NLN: variants seen among roughly 807,000 people sequenced by gnomAD.
NLN encodes neurolysin, mitochondrial.
In NLN, 64 loss-of-function variants were observed where a neutral mutation model predicts 79.9. The observed-to-expected ratio is 0.80, with a 90% CI of 0.65 to 0.99. The LOEUF is 0.99. NLN is among the 50% of genes least tolerant of loss of function. The pLI, the probability that NLN is intolerant of heterozygous loss-of-function variation, is 0.00. For missense variants in NLN, 835 were observed against 858.7 expected (o/e 0.97, Z 0.34); for synonymous variants, 267 against 296.6 (o/e 0.90, Z 1.02).
intron 1 of NLN, among the ~76,000 whole-genome samples, chr5:65,724,489 G>C (rs1163445798): frequency 1.3e-5 from 2 of 152,118 alleles, no homozygotes; most frequent in African/African-American, 4.8e-5. Context: ...CCATTTGTCA[G>C]TGGACATTTG....
At chr5:65,798,853 A>AT (rs1760222888) in intron 9 of NLN, among the ~76,000 whole-genome samples, 1 of 152,144 alleles carries the variant, frequency 6.6e-6, no homozygotes, top group Non-Finnish European at 1.5e-5. Flanking sequence ...AAATCAAAAT[A>AT]TTTTTTAAAG....
rs1273577765 is a variant in NLN at position 65,824,565 on chromosome 5, CTT to C, written c.*1651_*1652del. On this transcript the variant is annotated 3_prime_UTR_variant, in exon 13 of 13. Coordinates refer to ENST00000380985, the MANE Select transcript of NLN (RefSeq NM_020726.5). ...TTTTTCAGTTTCAGACAAAAAAACTCTTCAGCTTTTTCCAGTGTGTCTCCTTA... is the reference window on the plus strand; with the variant it reads ...TTTTTCAGTTTCAGACAAAAAAACTCCAGCTTTTTCCAGTGTGTCTCCTTA... The C allele has an allele frequency of 6.6e-6, 1 of 152,182 alleles. No individual in the cohort carries two copies. The highest frequency in any genetic ancestry group is 1.5e-5 in the Non-Finnish European group (1 of 68,034). The allele number at this position is 152,182 out of a possible 1,614,324, so 9.4% of individuals were successfully genotyped here.
intron 1 of NLN, among the ~76,000 whole-genome samples, chr5:65,724,880 C>T (rs1280125096): frequency 6.6e-6 from 1 of 150,736 alleles, no homozygotes; most frequent in African/African-American, 2.4e-5. Flanking sequence ...CGGCTCACTG[C>T]AAGCGCCGCC....
At chr5:65,794,018 GA>G (rs1216453741) in intron 9 of NLN, among the ~76,000 whole-genome samples, 1 of 152,308 alleles carries the variant, frequency 6.6e-6, no homozygotes, top group East Asian at 1.9e-4. Flanking sequence ...AATATAAATA[GA>G]AGAAATTTTT....
chr5:65,789,301 C>A (rs1193305224), intron 8 of NLN, among the ~76,000 whole-genome samples: 1 of 152,120 alleles, frequency 6.6e-6, no homozygotes, highest in African/African-American at 2.4e-5. Context: ...TATTATAGGT[C>A]CTATAAACTG....
In NLN at chr5:65,788,471, G is replaced by A. The variant is rs1409925045; in HGVS notation, c.1312G>A (p.Asp438Asn). The A allele has an allele frequency of 3.7e-6, 6 of 1,613,200 alleles. No homozygotes were observed. In the African/African-American group the frequency reaches 8.0e-5, roughly 22 times the overall value. ...TGEVLGQFYL[D>N]LYPREGKYNH... ...AGAAGTATTGGGACAGTTCTATTTG[G>A]ACCTCTATCCAAGGTACTGAGGATC... The change falls in exon 8 of 13, where the codon GAC (aspartate) becomes AAC (asparagine). Residue 438 changes from aspartate (D) to asparagine (N), a missense_variant. Physicochemically the swap from Asp to Asn is conservative, Grantham distance 23 (BLOSUM62 1). Coordinates refer to ENST00000380985, the MANE Select transcript of NLN (RefSeq NM_020726.5).
At chr5:65,779,410 A>G (rs1759750673) in intron 4 of NLN, among the ~76,000 whole-genome samples, 1 of 151,480 alleles carries the variant, frequency 6.6e-6, no homozygotes, top group African/African-American at 2.4e-5. Flanking sequence ...TTGATCTCCC[A>G]CCTAATACTT....
chr5:65,788,165 T>C lies in NLN; in HGVS notation c.1006T>C (p.Phe336Leu), dbSNP rs200565194. 2.4e-5 allele frequency: 38 copies of C among 1,613,856 alleles called. No homozygotes were observed. The highest frequency in any genetic ancestry group is 3.1e-5 in the Non-Finnish European group (36 of 1,179,948). The change falls in exon 8 of 13, where the codon TTT becomes CTT. Residue 336 changes from phenylalanine to leucine, a missense_variant. Phe to Leu is a conservative substitution (Grantham distance 22, BLOSUM62 0). Transcript: ENST00000380985. ...LKPLGEAERE[F>L]ILNLKKKECK... is the part of the protein sequence containing the mutation. ...ACCCTTGGGTGAAGCAGAACGAGAG[T>C]TTATTTTGAATTTGAAGAAAAAGGA...
intron 1 of NLN, among the ~76,000 whole-genome samples, chr5:65,751,295 C>A (rs1172343535): frequency 6.6e-6 from 1 of 152,194 alleles, no homozygotes. Context: ...AATATAGTTT[C>A]ACTATAGCCC....
intron 8 of NLN, 58 bp from the exon 9 acceptor site, chr5:65,792,396 A>G: frequency 9.8e-7 from 1 of 1,020,326 alleles, no homozygotes; most frequent in Non-Finnish European, 1.5e-6. Context: ...AGGCCATGCC[A>G]GTGTAGTTGC....
At chr5:65,728,061 C>A (rs1278803648) in intron 1 of NLN, among the ~76,000 whole-genome samples, 1 of 152,164 alleles carries the variant, frequency 6.6e-6, no homozygotes, top group East Asian at 1.9e-4. Context: ...AGCCACTGCA[C>A]CTGGCCTAAA....
At chr5:65,773,587 C>G (rs1417174857) in intron 3 of NLN, among the ~76,000 whole-genome samples, 2 of 150,908 alleles carry the variant, frequency 1.3e-5, no homozygotes, top group Admixed American at 6.6e-5. Flanking sequence ...ATATAAAGTT[C>G]TTGTGAAGAA....
At chr5:65,769,411 T>C (rs2150751252) in intron 3 of NLN, among the ~76,000 whole-genome samples, 1 of 152,360 alleles carries the variant, frequency 6.6e-6, no homozygotes, top group Non-Finnish European at 1.5e-5. Flanking sequence ...ACTGGATTGT[T>C]TGTAACACAA....
At chr5:65,733,184 C>A in intron 1 of NLN, 2 of 1,504,206 alleles carry the variant, frequency 1.3e-6, no homozygotes, top group Non-Finnish European at 9.1e-7. Context: ...AGTAACCAAG[C>A]CTCAGTCAGC....
At chr5:65,784,952 T>C (rs1183682266) in intron 6 of NLN, among the ~76,000 whole-genome samples, 1 of 152,216 alleles carries the variant, frequency 6.6e-6, no homozygotes, top group Non-Finnish European at 1.5e-5. Flanking sequence ...TCTGGCTTAT[T>C]TCACTTAGCA....
chr5:65,788,211 A>T lies in NLN; in HGVS notation c.1052A>T (p.Glu351Val). Residue 351 changes from glutamate to valine, a missense_variant, in exon 8 of 13, where the codon GAA becomes GTA. Physicochemically the swap from Glu to Val is moderately radical, Grantham distance 121. Coordinates refer to ENST00000380985, the MANE Select transcript of NLN (RefSeq NM_020726.5). The stretch of plus-strand genomic sequence containing the variant: ...AAGGAATGCAAAGACAGGGGTTTTG[A>T]ATATGATGGGAAAATCAATGCCTGG... ...KKKECKDRGFEYDGKINAWDL... is the reference protein window; with the variant it reads ...KKKECKDRGFVYDGKINAWDL... The T allele has an allele frequency of 6.2e-7, 1 of 1,614,176 alleles. No homozygotes were observed.
At position 65,815,030 on chromosome 5, in the gene NLN, C is replaced by T. The variant is rs141428122; in HGVS notation, c.1980+2639C>T. Among the ~76,000 whole-genome samples the T allele has an allele frequency of 8.7e-3, 1,325 of 152,160 alleles. 7 individuals carry two copies. The highest frequency in any genetic ancestry group is 0.012 in the Non-Finnish European group (802 of 68,000). On this transcript the variant is annotated intron_variant, in intron 12 of 12. Transcript: ENST00000380985. Reference sequence around the variant, plus strand: ...AGCTTTTCCTTATTTTTACATAGTACATAGATTATTTTAGAAGCCAGAAAC... The same window carrying T: ...AGCTTTTCCTTATTTTTACATAGTATATAGATTATTTTAGAAGCCAGAAAC...
At chr5:65,820,472 G>C (rs1760768211) in intron 12 of NLN, among the ~76,000 whole-genome samples, 2 of 152,080 alleles carry the variant, frequency 1.3e-5, no homozygotes, top group Admixed American at 6.6e-5. Flanking sequence ...TTCCTGTACT[G>C]CTCTACCCAG....
intron 8 of NLN, among the ~76,000 whole-genome samples, chr5:65,789,345 T>G (rs1032285380): frequency 2.0e-5 from 3 of 152,230 alleles, no homozygotes; most frequent in Non-Finnish European, 4.4e-5. Flanking sequence ...GTATGGTCAC[T>G]GTAAGGATTA....
Sources: allele counts gnomAD v4.1 joint callset (sites outside exome capture counted in the v4.1 genomes callset), GRCh38; gene constraint gnomAD v4.1.1; transcripts MANE v1.5; gene names NCBI Gene and HGNC (gene_info 2026-07-23, HGNC 2026-07-21).